Variants in EPB41L1 observed in about 807,000 individuals in gnomAD.
EPB41L1 encodes erythrocyte membrane protein band 4.1 like 1, also known as band 4.1-like protein 1.
EPB41L1 carries 29 observed loss-of-function variants against 97.8 expected under a neutral mutation model. The ratio of observed to expected loss-of-function variants is 0.30; its 90% CI spans 0.22 to 0.40. The LOEUF (loss-of-function observed/expected upper bound fraction) is 0.40, where lower values mean the gene tolerates loss of function less well. Among genes scored for constraint, EPB41L1 ranks in the 10% least tolerant of loss-of-function variants. The pLI, the probability that EPB41L1 is intolerant of heterozygous loss-of-function variation, is 1.00. For missense variants in EPB41L1, 812 were observed against 1,162.3 expected (o/e 0.70, Z 4.38); for synonymous variants, 383 against 459.2 (o/e 0.83, Z 2.12).
intron 1 of EPB41L1, among the ~76,000 whole-genome samples, chr20:36,160,281 A>C (rs1160575781): frequency 6.6e-6 from 1 of 152,170 alleles, no homozygotes; most frequent in Admixed American, 6.5e-5. Context: ...TTTGTGGAAA[A>C]TCTAATAATT....
upstream of EPB41L1, chr20:36,150,446 C>T (rs867110406): frequency 1.3e-5 from 2 of 152,282 alleles, no homozygotes; most frequent in East Asian, 3.9e-4. Context: ...GAACGAGCCA[C>T]ATTTCAAGTG....
intron 11 of EPB41L1, among the ~76,000 whole-genome samples, chr20:36,193,281 G>A (rs1329475370): frequency 6.6e-6 from 1 of 152,182 alleles, no homozygotes; most frequent in Admixed American, 6.5e-5. Context: ...GATGTCTCCA[G>A]TCATCCTCTG....
At chr20:36,221,529 G>T (rs1387029840) in intron 19 of EPB41L1, among the ~76,000 whole-genome samples, 1 of 152,224 alleles carries the variant, frequency 6.6e-6, no homozygotes, top group Non-Finnish European at 1.5e-5. Flanking sequence ...ACCAGGCAGA[G>T]AGGTCCAGAA....
intron 7 of EPB41L1, among the ~76,000 whole-genome samples, chr20:36,185,708 C>A (rs1386952389): frequency 1.3e-5 from 2 of 152,278 alleles, no homozygotes; most frequent in East Asian, 3.9e-4. Context: ...GAAAGCCAGC[C>A]TGCTAGGGTT....
At chr20:36,124,142 C>A (rs2058863865) in intron 2 of EPB41L1, among the ~76,000 whole-genome samples, 1 of 152,178 alleles carries the variant, frequency 6.6e-6, no homozygotes, top group East Asian at 1.9e-4. Flanking sequence ...GTAGTCCCAG[C>A]TACTCGGGAG....
intron 9 of EPB41L1, among the ~76,000 whole-genome samples, chr20:36,189,399 G>T (rs1264981580): frequency 1.3e-5 from 2 of 152,004 alleles, no homozygotes; most frequent in Non-Finnish European, 2.9e-5. Flanking sequence ...TCCTTCCATG[G>T]CCACCTACCT....
chr20:36,122,956 G>A (rs1038567725), intron 2 of EPB41L1, among the ~76,000 whole-genome samples: 3 of 152,012 alleles, frequency 2.0e-5, no homozygotes, highest in African/African-American at 7.3e-5. Context: ...ACCCTTGCTC[G>A]CTTCCTGGAG....
Position 36,207,912 on chromosome 20 carries a change from T to C in EPB41L1, c.1669-1576T>C. 9.6e-7 allele frequency: 1 copy of C among 1,040,088 alleles called. No individual in the cohort carries two copies. Among genetic ancestry groups the C allele is most frequent in the Non-Finnish European group, 1.2e-6 (1 of 803,360 alleles). 64.4% of individuals were successfully genotyped at this position (1,040,088 alleles called of 1,614,324 possible). A position where few individuals can be genotyped will look rare whatever the true frequency, so the allele number is the denominator to read the frequency against. ...TCTGCAATCAGAGGCTGCTTATCCA[T>C]CCCTGTGAGTTTTTTCCCTAAACGG... On this transcript the variant is annotated intron_variant, in intron 14 of 21. Transcript: ENST00000338074. This position sits in a 1 kb window ranked among gnomAD's most constrained non-coding sequence, Gnocchi z 4.9.
intron 17 of EPB41L1, 100 bp from the exon 18 acceptor site, chr20:36,218,776 T>C: frequency 9.5e-7 from 1 of 1,056,406 alleles, no homozygotes; most frequent in South Asian, 1.3e-5. Flanking sequence ...TTATTTCTAC[T>C]CAACCTTGTG....
At chr20:36,097,190 C>G (rs1044650772) in intron 1 of EPB41L1, among the ~76,000 whole-genome samples, 1 of 152,216 alleles carries the variant, frequency 6.6e-6, no homozygotes, top group Non-Finnish European at 1.5e-5. Flanking sequence ...GAGGGCCAAT[C>G]ACTTTCCCCT....
intron 11 of EPB41L1, among the ~76,000 whole-genome samples, chr20:36,191,963 T>C (rs1569266754): frequency 6.6e-6 from 1 of 152,148 alleles, no homozygotes; most frequent in Non-Finnish European, 1.5e-5. Context: ...TGGTGACTCA[T>C]GCCTGTAATC....
chr20:36,180,990 A>T (rs2146096019), intron 5 of EPB41L1, among the ~76,000 whole-genome samples: 1 of 152,308 alleles, frequency 6.6e-6, no homozygotes, highest in South Asian at 2.1e-4. Context: ...TCTATAAAAA[A>T]GAAAGTCAAC....
Position 36,131,174 on chromosome 20 carries a change from T to C in EPB41L1, c.-10+18694T>C, listed in dbSNP as rs1224722909. Among the ~76,000 whole-genome samples the C allele has an allele frequency of 2.0e-5, 3 of 151,964 alleles. No individual in the cohort carries two copies. The South Asian group carries it at 6.2e-4, about 32-fold the overall frequency. On this transcript the variant is annotated intron_variant, in intron 2 of 19. Coordinates refer to the EPB41L1 transcript ENST00000202028. Reference sequence around the variant, plus strand: ...ATTTTTAGTAGAGATGGGGTTTCTCTATGTTGGTCAGGCTGGTCTTGAACT... The same window carrying C: ...ATTTTTAGTAGAGATGGGGTTTCTCCATGTTGGTCAGGCTGGTCTTGAACT...
chr20:36,178,989 C>T (rs1446708143), intron 5 of EPB41L1, among the ~76,000 whole-genome samples: 1 of 151,378 alleles, frequency 6.6e-6, no homozygotes, highest in Non-Finnish European at 1.5e-5. Flanking sequence ...TCAAGCGATT[C>T]TCTTGGACCT....
chr20:36,101,089 A>G (rs2058000582), intron 1 of EPB41L1, among the ~76,000 whole-genome samples: 1 of 152,178 alleles, frequency 6.6e-6, no homozygotes, highest in African/African-American at 2.4e-5. Context: ...ATCATTTGCA[A>G]AGAGCATTAC....
intron 1 of EPB41L1, among the ~76,000 whole-genome samples, chr20:36,096,011 G>C (rs375999162): frequency 2.6e-5 from 4 of 151,262 alleles, no homozygotes; most frequent in African/African-American, 9.7e-5. Context: ...GGGTGACAGA[G>C]CGAGACTCCA....
intron 2 of EPB41L1, among the ~76,000 whole-genome samples, chr20:36,130,717 C>T (rs1234813931): frequency 6.6e-6 from 1 of 152,036 alleles, no homozygotes; most frequent in Non-Finnish European, 1.5e-5. Flanking sequence ...CCTTTAACCC[C>T]CAGCATCCAG....
At chr20:36,177,256 ACCCCT>A in intron 3 of EPB41L1, among the ~76,000 whole-genome samples, 1 of 152,032 alleles carries the variant, frequency 6.6e-6, no homozygotes, top group East Asian at 1.9e-4. Context: ...GCTCATCTTT[ACCCCT>A]GTGGGTTTGG....
Position 36,204,471 on chromosome 20 carries a change from C to CTTTTTTTTTTTTTTTTTTTTT in EPB41L1, c.1669-5011_1669-4991dup, listed in dbSNP as rs765673962. Among the ~76,000 whole-genome samples, 5 of 90,602 alleles carry CTTTTTTTTTTTTTTTTTTTTT rather than the reference C, an allele frequency of 5.5e-5. 1 individual carries two copies. The highest frequency in any genetic ancestry group is 2.9e-4 in the African/African-American group (5 of 17,388). 59.4% of individuals were successfully genotyped at this position (90,602 alleles called of 152,430 possible). ...GGCCTAACAGTGCTGCGATCTGGTG[C>CTTTTTTTTTTTTTTTTTTTTT]TTTTTTTTTTTTTTTTTTTTTTTTT... On this transcript the variant is annotated intron_variant, in intron 14 of 21. Transcript: ENST00000338074.
Sources: allele counts gnomAD v4.1 joint callset (sites outside exome capture counted in the v4.1 genomes callset), GRCh38; gene constraint gnomAD v4.1.1; non-coding constraint Gnocchi (gnomAD v3.1); transcripts MANE v1.5; gene names NCBI Gene and HGNC (gene_info 2026-07-23, HGNC 2026-07-21).